The following PLSCR4 variants were observed in gnomAD, a reference collection of about 807,000 sequenced individuals.
The protein encoded by PLSCR4 is phospholipid scramblase 4.
A neutral mutation model predicts 36.3 loss-of-function variants in PLSCR4; 25 were observed. The observed-to-expected ratio is 0.69, with a 90% CI of 0.50 to 0.96. The LOEUF (loss-of-function observed/expected upper bound fraction) is 0.96. Ranked by LOEUF, PLSCR4 falls within the 40% of genes least tolerant of loss-of-function variation. The pLI, the probability that PLSCR4 is intolerant of heterozygous loss-of-function variation, is 0.00. For synonymous variants in PLSCR4, 122 were observed against 132.9 expected, an observed-to-expected ratio of 0.92 and a Z score of 0.56; for missense variants, 408 against 414.7, an observed-to-expected ratio of 0.98 and a Z score of 0.14.
chr3:146,219,885 A>G (rs554023098), intron 3 of PLSCR4, among the ~76,000 whole-genome samples: 59 of 152,250 alleles, frequency 3.9e-4, no homozygotes, highest in African/African-American at 1.3e-3. Context: ...GGTTGTGGTG[A>G]GCCAAGATCG....
intron 6 of PLSCR4, among the ~76,000 whole-genome samples, chr3:146,197,966 C>A (rs2033837497): frequency 6.6e-6 from 1 of 151,892 alleles, no homozygotes; most frequent in African/African-American, 2.4e-5. Flanking sequence ...AAAATAAATT[C>A]CTTAAAAATT....
intron 3 of PLSCR4, among the ~76,000 whole-genome samples, chr3:146,207,004 T>G (rs372523990): frequency 5.0e-4 from 76 of 152,242 alleles, no homozygotes; most frequent in Admixed American, 1.6e-3. Context: ...ATTTCAATGG[T>G]ACAAAAATAA....
intron 3 of PLSCR4, among the ~76,000 whole-genome samples, chr3:146,216,495 T>G (rs2034896307): frequency 6.6e-6 from 1 of 152,164 alleles, no homozygotes; most frequent in South Asian, 2.1e-4. Context: ...TTCCAGCCCT[T>G]ACTCTAACAA....
chr3:146,206,180 C>CT (rs2034317577), intron 4 of PLSCR4, among the ~76,000 whole-genome samples: 1 of 151,928 alleles, frequency 6.6e-6, no homozygotes, highest in Admixed American at 6.6e-5. Context: ...CTCTTTTGTG[C>CT]TTTTTTTGAT....
chr3:146,218,381 T>C (rs910472018), intron 3 of PLSCR4, among the ~76,000 whole-genome samples: 15 of 151,950 alleles, frequency 9.9e-5, no homozygotes, highest in Non-Finnish European at 1.3e-4. Context: ...ATTTACCATG[T>C]ACTTTTAATA....
intron 6 of PLSCR4, among the ~76,000 whole-genome samples, chr3:146,198,049 A>C (rs2033843594): frequency 6.6e-6 from 1 of 152,198 alleles, no homozygotes; most frequent in Non-Finnish European, 1.5e-5. Flanking sequence ...TCTCCAGTTA[A>C]TTACTGTGGA....
chr3:146,207,620 CTT>C (rs1041884859), intron 3 of PLSCR4, among the ~76,000 whole-genome samples: 7 of 152,066 alleles, frequency 4.6e-5, no homozygotes, highest in African/African-American at 9.7e-5. Flanking sequence ...GGGCTCCACT[CTT>C]TTGATTTAAT....
chr3:146,250,066 A>G (rs927358214), intron 1 of PLSCR4, among the ~76,000 whole-genome samples: 2 of 152,108 alleles, frequency 1.3e-5, no homozygotes, highest in Non-Finnish European at 2.9e-5. Flanking sequence ...ATAAAGTGAT[A>G]ATATGTTCCC....
intron 1 of PLSCR4, among the ~76,000 whole-genome samples, chr3:146,238,206 A>C (rs1351534280): frequency 6.7e-6 from 1 of 149,540 alleles, no homozygotes; most frequent in Non-Finnish European, 1.5e-5. Flanking sequence ...ACTTCCCACA[A>C]AAAAAAAAAC....
intron 1 of PLSCR4, 37 bp from the exon 2 acceptor site, chr3:146,222,129 T>C (rs116127418): frequency 0.038 from 30,875 of 803,440 alleles, 783 homozygotes; most frequent in Middle Eastern, 0.068. Flanking sequence ...TTAAAATACA[T>C]ACATAATAAA....
chr3:146,243,632 T>C (rs538974245), intron 1 of PLSCR4, among the ~76,000 whole-genome samples: 110 of 152,238 alleles, frequency 7.2e-4, no homozygotes, highest in Non-Finnish European at 1.3e-3. Context: ...ATAGATGACA[T>C]GGTGAAAATA....
intron 1 of PLSCR4, among the ~76,000 whole-genome samples, chr3:146,242,077 C>T (rs1324776943): frequency 1.3e-5 from 2 of 152,126 alleles, no homozygotes; most frequent in African/African-American, 4.8e-5. Flanking sequence ...AGACCATGTC[C>T]GTTGAAGGCA....
chr3:146,224,432 C>T (rs899990914), intron 1 of PLSCR4, among the ~76,000 whole-genome samples: 2 of 152,114 alleles, frequency 1.3e-5, no homozygotes, highest in East Asian at 1.9e-4. Flanking sequence ...AACGAAGCCG[C>T]GGACCCTCGC....
chr3:146,246,578 G>A (rs2036347436), intron 1 of PLSCR4, among the ~76,000 whole-genome samples: 2 of 151,862 alleles, frequency 1.3e-5, no homozygotes, highest in Admixed American at 6.6e-5. Context: ...GCTTTCAAAA[G>A]GGAAATGTTT....
chr3:146,243,357 C>CA (rs1012509132), intron 1 of PLSCR4, among the ~76,000 whole-genome samples: 6 of 151,680 alleles, frequency 4.0e-5, no homozygotes, highest in Non-Finnish European at 1.5e-5. Context: ...TCTTGAAAAA[C>CA]AAAAAAATAG....
chr3:146,229,629 A>G (rs1259019639), intron 1 of PLSCR4, among the ~76,000 whole-genome samples: 11 of 139,330 alleles, frequency 7.9e-5, no homozygotes, highest in African/African-American at 3.0e-4. Context: ...TTATTTATTT[A>G]TTTATTTATT....
chr3:146,211,453 T>C (rs1338713290), intron 3 of PLSCR4, among the ~76,000 whole-genome samples: 1 of 152,156 alleles, frequency 6.6e-6, no homozygotes, highest in African/African-American at 2.4e-5. Context: ...AAGATAAAAG[T>C]CTCTTGCCAG....
At chr3:146,196,248 T>C (rs1334921289) in intron 7 of PLSCR4, among the ~76,000 whole-genome samples, 5 of 152,160 alleles carry the variant, frequency 3.3e-5, no homozygotes, top group Non-Finnish European at 7.4e-5. Flanking sequence ...ACTTGGTATG[T>C]TCTGTGACAT....
chr3:146,237,614 CTCTT>C (rs1422598013), intron 1 of PLSCR4, among the ~76,000 whole-genome samples: 4 of 151,724 alleles, frequency 2.6e-5, no homozygotes, highest in African/African-American at 9.7e-5. Flanking sequence ...TTAAACAAGT[CTCTT>C]TAATAAGCAA....
Sources: allele counts gnomAD v4.1 joint callset (sites outside exome capture counted in the v4.1 genomes callset), GRCh38; gene constraint gnomAD v4.1.1; transcripts MANE v1.5; gene names NCBI Gene and HGNC (gene_info 2026-07-23, HGNC 2026-07-21).